The following FNIP1 variants were observed in gnomAD, a reference collection of about 807,000 sequenced individuals.
FNIP1 encodes folliculin interacting protein 1.
In FNIP1, 40 loss-of-function variants were observed where a neutral mutation model predicts 124.5. The observed-to-expected ratio is 0.32, with a 90% CI of 0.25 to 0.42. The LOEUF is 0.42. Among genes scored for constraint, FNIP1 ranks in the 10% least tolerant of loss-of-function variants. The probability of loss-of-function intolerance (pLI) is 1.00; values close to 1 mark genes in which losing one functional copy is unlikely to be tolerated. For synonymous variants in FNIP1, 472 were observed against 470.6 expected (o/e 1.00, Z -0.04); for missense variants, 1,176 against 1,403.7 (o/e 0.84, Z 2.59).
intron 15 of FNIP1, among the ~76,000 whole-genome samples, chr5:131,664,634 C>CAAAAAAA (rs33956526): frequency 1.3e-5 from 1 of 77,418 alleles, no homozygotes; most frequent in Non-Finnish European, 2.4e-5. Context: ...GACCCTGTCT[C>CAAAAAAA]AAAAAAAAAA....
intron 2 of FNIP1, among the ~76,000 whole-genome samples, chr5:131,738,812 C>CTT (rs71806851): frequency 2.1e-5 from 3 of 139,974 alleles, no homozygotes; most frequent in Non-Finnish European, 1.6e-5. Context: ...TGCATCCGGC[C>CTT]TTTTTTTTTT....
intron 1 of FNIP1, among the ~76,000 whole-genome samples, chr5:131,784,990 T>C (rs1002652010): frequency 5.3e-5 from 7 of 132,600 alleles, no homozygotes; most frequent in African/African-American, 2.0e-4. Flanking sequence ...ATATATCATA[T>C]ATATATGATA....
intron 1 of FNIP1, among the ~76,000 whole-genome samples, chr5:131,761,836 G>A (rs1346372794): frequency 1.3e-5 from 2 of 151,942 alleles, no homozygotes; most frequent in Admixed American, 6.6e-5. Context: ...CACAACTAGA[G>A]GAATCACATT....
intron 1 of FNIP1, among the ~76,000 whole-genome samples, chr5:131,748,274 C>T (rs189800077): frequency 7.1e-4 from 108 of 152,256 alleles, no homozygotes; most frequent in Middle Eastern, 3.4e-3. Flanking sequence ...TAGCTGTCAT[C>T]ACATGGTAGC....
rs563480160 is a variant in FNIP1 at position 131,680,100 on chromosome 5, A to G, written c.1203-925T>C. Among the ~76,000 whole-genome samples the G allele has an allele frequency of 1.8e-4, 27 of 152,354 alleles. 1 individual carries two copies. The East Asian group carries it at 5.0e-3, about 28-fold the overall frequency. On this transcript the variant is annotated intron_variant, in intron 11 of 17. Coordinates refer to ENST00000510461, the MANE Select transcript of FNIP1 (RefSeq NM_133372.3). The stretch of plus-strand genomic sequence containing the variant: ...CTAGCTGTATGTGGTTACTGAACAC[A>G]TGACATGTGACCAGTATGACTAAGG...
chr5:131,730,915 G>A lies in FNIP1; in HGVS notation c.343C>T (p.Leu115Phe), dbSNP rs1265737777. The change falls in exon 3 of 18, where the codon CTT becomes TTT. Residue 115 changes from leucine to phenylalanine, a missense_variant. Transcript: ENST00000510461. ...TSSSDIKDQC[L>F]KYQGSRCSSD... is the part of the protein sequence containing the mutation. ...ATCAATGATCTTACCTGGTACTTAAGACACTGGTCTTTTATATCAGAAGAT... is the reference window on the plus strand; with the variant it reads ...ATCAATGATCTTACCTGGTACTTAAAACACTGGTCTTTTATATCAGAAGAT... 6.2e-7 allele frequency: 1 copy of A among 1,602,870 alleles called. No homozygotes were observed. The highest frequency in any genetic ancestry group is 1.7e-5 in the Admixed American group (1 of 57,308).
intron 1 of FNIP1, among the ~76,000 whole-genome samples, chr5:131,789,587 C>T (rs1245335917): frequency 1.3e-5 from 2 of 152,166 alleles, no homozygotes; most frequent in South Asian, 2.1e-4. Context: ...AAACATTTAT[C>T]CTCCCTACCA....
intron 1 of FNIP1, among the ~76,000 whole-genome samples, chr5:131,766,252 G>A (rs114331177): frequency 0.011 from 1,724 of 152,044 alleles, 22 homozygotes; most frequent in African/African-American, 0.039. Context: ...ATGTGGCCCA[G>A]GCTGGTCTCA....
rs1344209445 is a variant in FNIP1, at chr5:131,730,992, T to C, written c.266A>G (p.Gln89Arg). 6.2e-7 allele frequency: 1 copy of C among 1,613,266 alleles called. No individual in the cohort carries two copies. The highest frequency in any genetic ancestry group is 1.3e-5 in the African/African-American group (1 of 74,914). Reference protein sequence around the residue: ...AQVKVFGKCCQLKPGGDSSSS... With the variant: ...AQVKVFGKCCRLKPGGDSSSS... ...AGAACTGTCTCCTCCAGGTTTCAGT[T>C]GGCAGCATTTCCCAAAGACTTTAAC... Residue 89 changes from glutamine to arginine, a missense_variant, in exon 3 of 18, where the codon CAA becomes CGA. Transcript: ENST00000510461.
At chr5:131,743,979 G>A (rs989486731) in intron 2 of FNIP1, among the ~76,000 whole-genome samples, 10 of 152,082 alleles carry the variant, frequency 6.6e-5, no homozygotes, top group Admixed American at 5.9e-4. Context: ...GGAATACATC[G>A]CAGGAGAGAA....
chr5:131,677,803 A>G lies in FNIP1; in HGVS notation c.1419T>C (p.Asn473=), dbSNP rs1767954873. The change falls in exon 13 of 18, where the codon AAT becomes AAC. Residue 473 remains asparagine, a synonymous_variant. Transcript: ENST00000510461. ...AAAATATTTTTATAGGTGGTTGTCCATTTGGCATGACTGTTGGAACCCAGG... is the reference window on the plus strand; with the variant it reads ...AAAATATTTTTATAGGTGGTTGTCCGTTTGGCATGACTGTTGGAACCCAGG... ...HLAWVPTVMP[N]GQPPIKIFLE... is the part of the protein sequence containing the mutation. The G allele has an allele frequency of 3.1e-6, 5 of 1,614,158 alleles. No homozygotes were observed. The highest frequency in any genetic ancestry group is 4.2e-6 in the Non-Finnish European group (5 of 1,180,026).
At position 131,675,890 on chromosome 5, in the gene FNIP1, C is replaced by T. The variant is rs184732234; in HGVS notation, c.1519+1813G>A. Among the ~76,000 whole-genome samples, 16 of 152,276 alleles carry T rather than the reference C, an allele frequency of 1.1e-4. No individual in the cohort carries two copies. The East Asian group carries it at 1.2e-3, about 11-fold the overall frequency. Reference sequence around the variant, plus strand: ...GCTTTATTTTTTTGAGACAGATTCTCGCTCTGTCACCCAGGCTACGGTGCA... The same window carrying T: ...GCTTTATTTTTTTGAGACAGATTCTTGCTCTGTCACCCAGGCTACGGTGCA... On this transcript the variant is annotated intron_variant, in intron 13 of 17. Coordinates refer to ENST00000510461, the MANE Select transcript of FNIP1 (RefSeq NM_133372.3).
chr5:131,710,717 T>C (rs1473423384), intron 6 of FNIP1, 56 bp from the exon 7 acceptor site: 18 of 1,502,232 alleles, frequency 1.2e-5, no homozygotes, highest in East Asian at 2.3e-5. Flanking sequence ...GAAGCCACAA[T>C]GCGTCAGGGA....
At chr5:131,795,471 G>A (rs1772552672) in intron 1 of FNIP1, 1 of 152,108 alleles carries the variant, frequency 6.6e-6, no homozygotes, top group Non-Finnish European at 1.5e-5. Context: ...CTATTCAAAT[G>A]CCACCTTTTA....
chr5:131,678,366 T>C (rs933189170), intron 12 of FNIP1, among the ~76,000 whole-genome samples: 8 of 152,314 alleles, frequency 5.3e-5, no homozygotes, highest in Admixed American at 5.2e-4. Context: ...AAACATCACA[T>C]TGAAAATGCA....
intron 15 of FNIP1, among the ~76,000 whole-genome samples, chr5:131,667,698 C>T (rs763298962): frequency 1.3e-5 from 2 of 152,148 alleles, no homozygotes; most frequent in African/African-American, 4.8e-5. Context: ...AAGTGATTCT[C>T]CTGCCTCAGC....
chr5:131,696,392 T>C (rs1202438498), intron 11 of FNIP1, among the ~76,000 whole-genome samples: 1 of 152,130 alleles, frequency 6.6e-6, no homozygotes, highest in Non-Finnish European at 1.5e-5. Flanking sequence ...AATGAAATTA[T>C]GAATAACTTT....
intron 6 of FNIP1, among the ~76,000 whole-genome samples, chr5:131,713,167 GC>G (rs1030921213): frequency 6.6e-6 from 1 of 152,020 alleles, no homozygotes; most frequent in African/African-American, 2.4e-5. Flanking sequence ...TCCTGCCTCA[GC>G]CTGTAGCTGG....
chr5:131,717,400 G>A (rs561420596), intron 5 of FNIP1, among the ~76,000 whole-genome samples: 1 of 152,208 alleles, frequency 6.6e-6, no homozygotes, highest in African/African-American at 2.4e-5. Flanking sequence ...TTGGACATTT[G>A]GGTTGGTTCC....
Sources: gnomAD v4.1 joint callset for allele counts (sites outside exome capture counted in the v4.1 genomes callset) on GRCh38, gnomAD v4.1.1 for gene constraint, MANE v1.5 for transcripts, NCBI Gene and HGNC (gene_info 2026-07-23, HGNC 2026-07-21) for gene names.